Variants in WDR7 observed in about 807,000 individuals in gnomAD.
WDR7 encodes WD repeat domain 7, also known as WD repeat-containing protein 7.
Under a neutral mutation model 169.4 loss-of-function variants are expected in WDR7, and 46 were observed. The ratio of observed to expected loss-of-function variants is 0.27; its 90% CI spans 0.21 to 0.35. The LOEUF (loss-of-function observed/expected upper bound fraction) is 0.35, where lower values mean the gene tolerates loss of function less well. Ranked by LOEUF, WDR7 falls within the 10% of genes least tolerant of loss-of-function variation. The probability of loss-of-function intolerance (pLI) is 1.00; values close to 1 mark genes in which losing one functional copy is unlikely to be tolerated. For synonymous variants in WDR7, 612 were observed against 666.8 expected, an observed-to-expected ratio of 0.92 and a Z score of 1.27; for missense variants, 1,534 against 1,859.3, an observed-to-expected ratio of 0.83 and a Z score of 3.22.
At chr18:56,816,975 A>G (rs953262903) in intron 20 of WDR7, among the ~76,000 whole-genome samples, 1 of 152,212 alleles carries the variant, frequency 6.6e-6, no homozygotes, top group African/African-American at 2.4e-5. Flanking sequence ...AAGTACGCCC[A>G]GAAAATATTA....
intron 20 of WDR7, among the ~76,000 whole-genome samples, chr18:56,866,754 T>C (rs1328442947): frequency 6.6e-6 from 1 of 152,172 alleles, no homozygotes; most frequent in African/African-American, 2.4e-5. Context: ...GGTAGGAGTT[T>C]TCAGTAAAGT....
intron 14 of WDR7, among the ~76,000 whole-genome samples, chr18:56,736,659 T>C (rs1252988620): frequency 2.0e-5 from 3 of 151,962 alleles, no homozygotes; most frequent in Non-Finnish European, 4.4e-5. Flanking sequence ...GTAGGTTTAG[T>C]AATTAGGAAA....
At chr18:56,716,971 C>G (rs933795919) in intron 12 of WDR7, among the ~76,000 whole-genome samples, 1 of 152,144 alleles carries the variant, frequency 6.6e-6, no homozygotes, top group Non-Finnish European at 1.5e-5. Context: ...TAAAAACAAC[C>G]TGTTTGCTTA....
chr18:56,886,079 C>T (rs561234376), intron 21 of WDR7, among the ~76,000 whole-genome samples: 1 of 152,226 alleles, frequency 6.6e-6, no homozygotes, highest in South Asian at 2.1e-4. Flanking sequence ...TCGAGGAAAA[C>T]ATTTGCACCC....
intron 26 of WDR7, among the ~76,000 whole-genome samples, chr18:56,989,609 A>G (rs1025458105): frequency 7.2e-5 from 11 of 152,196 alleles, no homozygotes; most frequent in African/African-American, 2.7e-4. Context: ...TTCCCTGGCG[A>G]AGTGAAAGAC....
Position 56,900,554 on chromosome 18 carries a change from G to A in WDR7, c.3526+20389G>A, listed in dbSNP as rs373161581. Among the ~76,000 whole-genome samples the A allele has an allele frequency of 7.2e-5, 11 of 152,312 alleles. No homozygotes were observed. In the South Asian group the frequency reaches 8.3e-4, roughly 11 times the overall value. ...TGTGCAAAATATCAGCTACTACCTC[G>A]TCTAGGGTGCGGAAGAGTGGATAGT... On this transcript the variant is annotated intron_variant, in intron 21 of 27. Coordinates refer to ENST00000254442, the MANE Select transcript of WDR7 (RefSeq NM_015285.3).
intron 26 of WDR7, among the ~76,000 whole-genome samples, chr18:56,989,995 A>G (rs1183384185): frequency 1.3e-5 from 2 of 152,234 alleles, no homozygotes; most frequent in Non-Finnish European, 2.9e-5. Flanking sequence ...TCTTTCTTTA[A>G]GTGGAAAGTT....
In WDR7 at chr18:56,718,047, G is replaced by A; in HGVS notation, c.1662G>A (p.Met554Ile). ...GTTTGCGAGAGAAAAAATGCATAAT[G>A]TTGGCATCTCGTCACCTTTTTCCTA... ...LLSLREKKCI[M>I]LASRHLFPIQ... Residue 554 changes from methionine (M) to isoleucine (I), a missense_variant, in exon 13 of 28, where the codon ATG becomes ATA. Met to Ile is a conservative substitution (Grantham distance 10, BLOSUM62 1). Transcript: ENST00000254442. The A allele has an allele frequency of 1.2e-6, 2 of 1,614,148 alleles. No homozygotes were observed. Among genetic ancestry groups the A allele is most frequent in the South Asian group, 1.1e-5 (1 of 91,090 alleles).
intron 5 of WDR7, among the ~76,000 whole-genome samples, chr18:56,684,753 C>A (rs952976816): frequency 2.6e-5 from 4 of 152,264 alleles, no homozygotes; most frequent in East Asian, 1.9e-4. Context: ...AAGGTGGGAT[C>A]TCTGGTTAAA....
chr18:56,772,314 G>A (rs1020203742), intron 16 of WDR7, among the ~76,000 whole-genome samples: 1 of 152,106 alleles, frequency 6.6e-6, no homozygotes, highest in Non-Finnish European at 1.5e-5. Context: ...ACCCATTGAG[G>A]GGAGCACTTG....
Position 56,657,688 on chromosome 18 carries a change from G to A in WDR7, c.-20+6112G>A, listed in dbSNP as rs74519372. Among the ~76,000 whole-genome samples the A allele has an allele frequency of 5.3e-5, 8 of 152,204 alleles. No individual in the cohort carries two copies. In the East Asian group the frequency reaches 1.2e-3, roughly 22 times the overall value. Reference sequence around the variant, plus strand: ...AATTTGAATTCCATCCATATGGTTCGTTTGTCTTTGTCTGTATCTGATTCT... The same window carrying A: ...AATTTGAATTCCATCCATATGGTTCATTTGTCTTTGTCTGTATCTGATTCT... On this transcript the variant is annotated intron_variant, in intron 1 of 27. Coordinates refer to ENST00000254442, the MANE Select transcript of WDR7 (RefSeq NM_015285.3).
chr18:56,884,973 G>C (rs1386893200), intron 21 of WDR7, among the ~76,000 whole-genome samples: 1 of 152,200 alleles, frequency 6.6e-6, no homozygotes, highest in Non-Finnish European at 1.5e-5. Context: ...AGGTCTCTGT[G>C]CAGAATGCCT....
At position 56,695,100 on chromosome 18, in the gene WDR7, G is replaced by A. The variant is rs1410104069; in HGVS notation, c.1259G>A (p.Arg420Gln). 3.7e-6 allele frequency: 6 copies of A among 1,613,944 alleles called. No homozygotes were observed. Among genetic ancestry groups the A allele is most frequent in the Admixed American group, 1.7e-5 (1 of 59,980 alleles). ...TASVYIPAHG[R>Q]LVCGREDGSI... is the part of the protein sequence containing the mutation. ...AGTGTGTACATACCAGCACATGGAC[G>A]ACTTGTTTGTGGTCGTGAAGATGGA... The change falls in exon 11 of 28, where the codon CGA becomes CAA. Residue 420 changes from arginine to glutamine, a missense_variant. Transcript: ENST00000254442.
At chr18:56,946,960 A>G (rs1184467253) in intron 25 of WDR7, among the ~76,000 whole-genome samples, 2 of 152,242 alleles carry the variant, frequency 1.3e-5, no homozygotes, top group African/African-American at 4.8e-5. Context: ...TTATAGTCAT[A>G]GCTTTAAATA....
At chr18:56,733,452 T>C (rs1434356051) in intron 14 of WDR7, among the ~76,000 whole-genome samples, 2 of 152,164 alleles carry the variant, frequency 1.3e-5, no homozygotes, top group Non-Finnish European at 2.9e-5. Flanking sequence ...AGCTTCTCAA[T>C]GGTACAGGAC....
chr18:56,819,479 T>C (rs2045046850), intron 20 of WDR7, among the ~76,000 whole-genome samples: 1 of 152,206 alleles, frequency 6.6e-6, no homozygotes, highest in Admixed American at 6.5e-5. Context: ...CAGTTTTACT[T>C]AGCGTTCTGT....
intron 21 of WDR7, among the ~76,000 whole-genome samples, chr18:56,905,746 T>C (rs188652582): frequency 6.6e-6 from 1 of 151,964 alleles, no homozygotes; most frequent in African/African-American, 2.4e-5. Context: ...TTATATTTCT[T>C]TCAAATATTA....
rs542004575 is a variant in WDR7 at position 56,687,886 on chromosome 18, C to T, written c.717+912C>T. 4.5e-4 allele frequency among the ~76,000 whole-genome samples: 68 copies of T among 152,278 alleles called. 2 individuals carry two copies. The South Asian group carries it at 0.013, about 30-fold the overall frequency. The stretch of plus-strand genomic sequence containing the variant: ...CAGGCGATCCTCCTGCCTCAGCCCC[C>T]CAAAGTGCTGGGATTATAAGCATGA... On this transcript the variant is annotated intron_variant, in intron 7 of 27. Coordinates refer to ENST00000254442, the MANE Select transcript of WDR7 (RefSeq NM_015285.3).
intron 20 of WDR7, among the ~76,000 whole-genome samples, chr18:56,823,236 G>C (rs115129369): frequency 6.6e-6 from 1 of 151,912 alleles, no homozygotes; most frequent in Admixed American, 6.6e-5. Context: ...TATCAGATTC[G>C]TATGTCCTCC....
Sources: gnomAD v4.1 joint callset for allele counts (sites outside exome capture counted in the v4.1 genomes callset) on GRCh38, gnomAD v4.1.1 for gene constraint, MANE v1.5 for transcripts, NCBI Gene and HGNC (gene_info 2026-07-23, HGNC 2026-07-21) for gene names.